The following SGMS1 variants were observed in gnomAD, a reference collection of about 807,000 sequenced individuals.
SGMS1 encodes the protein sphingomyelin synthase 1.
SGMS1 carries 13 observed loss-of-function variants against 46.2 expected under a neutral mutation model. The observed-to-expected ratio is 0.28, with a 90% confidence interval of 0.18 to 0.45. The LOEUF (loss-of-function observed/expected upper bound fraction) is 0.45, where lower values mean the gene tolerates loss of function less well. Among genes scored for constraint, SGMS1 ranks in the 20% least tolerant of loss-of-function variants. SGMS1 has a pLI of 1.00. For missense variants in SGMS1, 324 were observed against 519.9 expected (o/e 0.62, Z 3.66); for synonymous variants, 203 against 187.8 (o/e 1.08, Z -0.66).
upstream of SGMS1, chr10:50,624,105 C>G: frequency 1.0e-6 from 1 of 985,212 alleles, no homozygotes. Flanking sequence ...GGACCCCGAA[C>G]CAAGGGACAG....
At chr10:50,451,308 A>G (rs927046) in intron 5 of SGMS1, among the ~76,000 whole-genome samples, 84,994 of 151,920 alleles carry the variant, frequency 0.56, 24,086 homozygotes, top group Non-Finnish European at 0.58. Flanking sequence ...CATGTTTACC[A>G]TGTTATGTTT....
At chr10:50,398,610 A>G (rs1848882895) in intron 6 of SGMS1, among the ~76,000 whole-genome samples, 1 of 152,078 alleles carries the variant, frequency 6.6e-6, no homozygotes, top group Admixed American at 6.6e-5. Context: ...ATATTTTGGT[A>G]GCAAGTCTTC....
At chr10:50,564,406 C>A (rs564770030) in intron 2 of SGMS1, among the ~76,000 whole-genome samples, 1 of 152,302 alleles carries the variant, frequency 6.6e-6, no homozygotes, top group Non-Finnish European at 1.5e-5. Context: ...TTTAAAGGCA[C>A]CTGCAATATG....
At chr10:50,382,180 G>A (rs1848616316) in intron 6 of SGMS1, among the ~76,000 whole-genome samples, 1 of 152,110 alleles carries the variant, frequency 6.6e-6, no homozygotes, top group Non-Finnish European at 1.5e-5. Flanking sequence ...ATTGACAGCT[G>A]ACCTGTGAGT....
chr10:50,366,001 T>C (rs1272985859), intron 6 of SGMS1, among the ~76,000 whole-genome samples: 5 of 151,684 alleles, frequency 3.3e-5, no homozygotes, highest in Admixed American at 1.3e-4. Context: ...GTAAGTAATA[T>C]GTTGGGTCAA....
intron 1 of SGMS1, among the ~76,000 whole-genome samples, chr10:50,615,996 C>T (rs1171247883): frequency 6.6e-6 from 1 of 152,206 alleles, no homozygotes; most frequent in African/African-American, 2.4e-5. Flanking sequence ...GAAACATGGG[C>T]TTGCAAATGT....
intron 3 of SGMS1, among the ~76,000 whole-genome samples, chr10:50,483,821 A>C (rs1290106203): frequency 6.6e-6 from 1 of 152,224 alleles, no homozygotes; most frequent in Non-Finnish European, 1.5e-5. Context: ...TCAAGGAAGA[A>C]ACCAAGAAGT....
intron 6 of SGMS1, among the ~76,000 whole-genome samples, chr10:50,421,442 C>T (rs1849253310): frequency 6.6e-6 from 1 of 152,182 alleles, no homozygotes; most frequent in Admixed American, 6.5e-5. Flanking sequence ...ACCTGAATGG[C>T]TCCCACTGGT....
At chr10:50,448,309 T>A (rs1035401918) in intron 5 of SGMS1, among the ~76,000 whole-genome samples, 7 of 152,210 alleles carry the variant, frequency 4.6e-5, no homozygotes, top group African/African-American at 9.6e-5. Flanking sequence ...GTATATTTTT[T>A]AACATTTTTC....
At chr10:50,422,796 TG>T (rs1389340331) in intron 6 of SGMS1, among the ~76,000 whole-genome samples, 1 of 152,272 alleles carries the variant, frequency 6.6e-6, no homozygotes, top group Non-Finnish European at 1.5e-5. Flanking sequence ...TTGCATTATA[TG>T]ACATCATAGG....
At chr10:50,486,965 T>C (rs1376600486) in intron 3 of SGMS1, among the ~76,000 whole-genome samples, 2 of 152,252 alleles carry the variant, frequency 1.3e-5, no homozygotes, top group Admixed American at 1.3e-4. Context: ...TACTATGTAA[T>C]ACTATGCAGT....
chr10:50,360,150 A>C (rs909199782), intron 6 of SGMS1, among the ~76,000 whole-genome samples: 1 of 152,196 alleles, frequency 6.6e-6, no homozygotes, highest in African/African-American at 2.4e-5. Flanking sequence ...AAATAATAGG[A>C]ATCTTGGCTT....
At chr10:50,618,842 T>G (rs188029112) in intron 1 of SGMS1, among the ~76,000 whole-genome samples, 3 of 152,308 alleles carry the variant, frequency 2.0e-5, no homozygotes, top group Admixed American at 6.5e-5. Flanking sequence ...AACCTGGGCA[T>G]GCTGAAACAC....
chr10:50,457,452 T>C (rs1837206089), intron 5 of SGMS1, among the ~76,000 whole-genome samples: 1 of 152,128 alleles, frequency 6.6e-6, no homozygotes, highest in Non-Finnish European at 1.5e-5. Context: ...GTTCAGGAGA[T>C]ATATGTGCAG....
chr10:50,501,585 T>G lies in SGMS1; in HGVS notation c.-498+18246A>C, dbSNP rs149313120. Among the ~76,000 whole-genome samples the G allele has an allele frequency of 2.3e-3, 347 of 152,298 alleles. 6 individuals carry two copies. The highest frequency in any genetic ancestry group is 1.3e-3 in the Non-Finnish European group (89 of 68,018). ...AGGCAATTCTTGAGCTAAAACAGCT[T>G]GTAAATAAACATCATGAATATGGAC... On this transcript the variant is annotated intron_variant, in intron 3 of 10. Transcript: ENST00000361781.
chr10:50,580,370 C>A (rs946205722), intron 2 of SGMS1, among the ~76,000 whole-genome samples: 1 of 151,848 alleles, frequency 6.6e-6, no homozygotes, highest in African/African-American at 2.4e-5. Flanking sequence ...TGACAACTTA[C>A]AAATTACTTT....
chr10:50,486,960 T>C (rs972215696), intron 3 of SGMS1, among the ~76,000 whole-genome samples: 1 of 152,220 alleles, frequency 6.6e-6, no homozygotes, highest in East Asian at 1.9e-4. Context: ...ACATATACTA[T>C]GTAATACTAT....
chr10:50,407,481 A>G (rs944580112), intron 6 of SGMS1, among the ~76,000 whole-genome samples: 1 of 152,080 alleles, frequency 6.6e-6, no homozygotes, highest in East Asian at 1.9e-4. Flanking sequence ...TTTTCTGTTG[A>G]TATCTTTGAT....
At chr10:50,408,143 T>C (rs1205178956) in intron 6 of SGMS1, among the ~76,000 whole-genome samples, 1 of 152,186 alleles carries the variant, frequency 6.6e-6, no homozygotes, top group Non-Finnish European at 1.5e-5. Flanking sequence ...ATGTGGCTAG[T>C]GCCTATTGTA....
Sources: gnomAD v4.1 joint callset for allele counts (sites outside exome capture counted in the v4.1 genomes callset) on GRCh38, gnomAD v4.1.1 for gene constraint, MANE v1.5 for transcripts, NCBI Gene and HGNC (gene_info 2026-07-23, HGNC 2026-07-21) for gene names.